MPDZ: variants seen among roughly 807,000 people sequenced by gnomAD.
MPDZ encodes multiple PDZ domain protein.
In MPDZ, 234 loss-of-function variants were observed where a neutral mutation model predicts 239.1. The observed-to-expected ratio is 0.98, with a 90% CI of 0.88 to 1.09. The LOEUF (loss-of-function observed/expected upper bound fraction) is 1.09. Ranked by LOEUF, MPDZ falls within the 50% of genes least tolerant of loss-of-function variation. The pLI, the probability that MPDZ is intolerant of heterozygous loss-of-function variation, is 0.00. For synonymous variants in MPDZ, 1,048 were observed against 881.3 expected (o/e 1.19, Z -3.35); for missense variants, 3,175 against 2,510.0 (o/e 1.26, Z -5.66).
At chr9:13,108,913 G>T (rs1456230231) in intron 46 of MPDZ, 23 bp downstream of exon 46, 1 of 1,606,150 alleles carries the variant, frequency 6.2e-7, no homozygotes, top group East Asian at 2.2e-5. Flanking sequence ...GGAAAAGAGG[G>T]TGGTTAAAAT....
intron 32 of MPDZ, among the ~76,000 whole-genome samples, chr9:13,130,539 T>C (rs1945828384): frequency 6.6e-6 from 1 of 152,184 alleles, no homozygotes; most frequent in African/African-American, 2.4e-5. Context: ...GTTTTAGATG[T>C]ACAGAAAAGA....
At chr9:13,204,665 T>G (rs1956791470) in intron 12 of MPDZ, among the ~76,000 whole-genome samples, 1 of 152,174 alleles carries the variant, frequency 6.6e-6, no homozygotes, top group Admixed American at 6.6e-5. Flanking sequence ...TATTTTTAAA[T>G]ACTTTATAAT....
chr9:13,207,340 T>C (rs530196884), intron 10 of MPDZ, among the ~76,000 whole-genome samples: 1 of 152,248 alleles, frequency 6.6e-6, no homozygotes, highest in South Asian at 2.1e-4. Context: ...TGGCTTAGAA[T>C]GGCCTGTGCC....
chr9:13,224,720 A>T, intron 3 of MPDZ, 137 bp from the exon 4 acceptor site: 1 of 639,608 alleles, frequency 1.6e-6, no homozygotes, highest in Non-Finnish European at 2.6e-6. Flanking sequence ...CTATTTTGGG[A>T]AATTTATTTC....
Position 13,190,293 on chromosome 9 carries a change from C to T in MPDZ, c.1975G>A (p.Val659Ile), listed in dbSNP as rs77838108. The part of the protein sequence containing the change: ...CDIELTEKPH[V>I]DLGEFIGSSE... The stretch of plus-strand genomic sequence containing the variant: ...GACCCGATGAACTCACCTAGATCTA[C>T]GTGAGGCTGGATAATATCAGACAGC... Residue 659 changes from valine (V) to isoleucine (I), a missense_variant, in exon 16 of 47, where the codon GTA (valine) becomes ATA (isoleucine). Coordinates refer to ENST00000319217, the MANE Select transcript of MPDZ (RefSeq NM_001378778.1). 5,270 of 1,571,428 alleles carry T rather than the reference C, an allele frequency of 3.4e-3. 18 individuals carry two copies. The highest frequency in any genetic ancestry group is 4.3e-3 in the Non-Finnish European group (4,950 of 1,159,546).
At chr9:13,115,904 C>T (rs1294931639) in intron 39 of MPDZ, among the ~76,000 whole-genome samples, 2 of 143,750 alleles carry the variant, frequency 1.4e-5, no homozygotes, top group Non-Finnish European at 3.0e-5. Flanking sequence ...AAGATCATGC[C>T]ACTGCACTCC....
chr9:13,173,920 T>C (rs2134100680), intron 21 of MPDZ, among the ~76,000 whole-genome samples: 1 of 152,282 alleles, frequency 6.6e-6, no homozygotes, highest in South Asian at 2.1e-4. Flanking sequence ...AGAAGTTCTG[T>C]GTCCTACACA....
At position 13,140,397 on chromosome 9, in the gene MPDZ, T is replaced by C. The variant is rs181553199; in HGVS notation, c.3841-248A>G. Reference sequence around the variant, plus strand: ...GTTAAATATTTTATATATATACATATATATATATATATGTATATATATGAG... The same window carrying C: ...GTTAAATATTTTATATATATACATACATATATATATATGTATATATATGAG... On this transcript the variant is annotated intron_variant, in intron 27 of 46. Transcript: ENST00000319217. 1.1e-3 allele frequency among the ~76,000 whole-genome samples: 161 copies of C among 143,620 alleles called. 1 individual carries two copies. The highest frequency in any genetic ancestry group is 4.2e-3 in the African/African-American group (158 of 37,924). The allele number at this position is 143,620 out of a possible 152,430, so 94.2% of individuals were successfully genotyped here.
intron 1 of MPDZ, among the ~76,000 whole-genome samples, chr9:13,266,066 T>A (rs774810908): frequency 6.6e-6 from 1 of 152,220 alleles, no homozygotes; most frequent in South Asian, 2.1e-4. Flanking sequence ...ACAAAAATTA[T>A]GAAGAGTGTT....
At chr9:13,271,115 C>G (rs183167014) in intron 1 of MPDZ, among the ~76,000 whole-genome samples, 1 of 152,280 alleles carries the variant, frequency 6.6e-6, no homozygotes, top group Admixed American at 6.5e-5. Context: ...CATCTCCTAT[C>G]TTTCAAAATT....
intron 21 of MPDZ, among the ~76,000 whole-genome samples, chr9:13,168,957 C>T (rs1250516135): frequency 7.2e-5 from 11 of 152,108 alleles, no homozygotes; most frequent in Non-Finnish European, 1.5e-4. Flanking sequence ...GAAAATTCAT[C>T]ATGTAAATTA....
rs1956952554 is a variant in MPDZ, at chr9:13,206,060, C to T, written c.1330G>A (p.Ala444Thr). 1.9e-6 allele frequency: 3 copies of T among 1,610,308 alleles called. No homozygotes were observed. The highest frequency in any genetic ancestry group is 2.5e-6 in the Non-Finnish European group (3 of 1,178,976). Residue 444 changes from alanine to threonine, a missense_variant, in exon 11 of 47, where the codon GCA becomes ACA. Coordinates refer to ENST00000319217, the MANE Select transcript of MPDZ (RefSeq NM_001378778.1). ...TNLQGFTNQQ[A>T]VEVLRHTGQT... Reference sequence around the variant, plus strand: ...CCTGTATGTCGCAATACCTCTACTGCTTGCTGATTAGTAAAACCCTGAAGG... The same window carrying T: ...CCTGTATGTCGCAATACCTCTACTGTTTGCTGATTAGTAAAACCCTGAAGG...
rs775863648 is a variant in MPDZ at position 13,247,751 on chromosome 9, C to G, written c.67G>C (p.Glu23Gln). 1 of 1,612,940 alleles carries G rather than the reference C, an allele frequency of 6.2e-7. No individual in the cohort carries two copies. The highest frequency in any genetic ancestry group is 8.5e-7 in the Non-Finnish European group (1 of 1,179,072). The stretch of plus-strand genomic sequence containing the variant: ...TCTTCATTTGCTACATCCCCACGTT[C>G]TCGCAGCTTGGTTTGCAAGCGCTCT... ...AAERLQTKLR[E>Q]RGDVANEDKL... Residue 23 changes from glutamate to glutamine, a missense_variant, in exon 3 of 47, where the codon GAA becomes CAA. Coordinates refer to ENST00000319217, the MANE Select transcript of MPDZ (RefSeq NM_001378778.1).
intron 21 of MPDZ, among the ~76,000 whole-genome samples, chr9:13,168,905 T>G (rs1042190151): frequency 1.4e-4 from 22 of 152,274 alleles, no homozygotes; most frequent in African/African-American, 5.3e-4. Context: ...ACAATATTAG[T>G]TCAGCTTTTA....
At position 13,115,347 on chromosome 9, in the gene MPDZ, A is replaced by T; in HGVS notation, c.5380-13T>A. ...TGCCTAGGGAACACTGGGGGTGGGCATGGGGGGTGTTTTATGGAAATGTTT... is the reference window on the plus strand; with the variant it reads ...TGCCTAGGGAACACTGGGGGTGGGCTTGGGGGGTGTTTTATGGAAATGTTT... On this transcript the variant is annotated splice_polypyrimidine_tract_variant and intron_variant, in intron 39 of 46. Transcript: ENST00000319217. The T allele has an allele frequency of 4.4e-5, 71 of 1,596,484 alleles. No homozygotes were observed. The highest frequency in any genetic ancestry group is 6.1e-5 in the Non-Finnish European group (71 of 1,165,258).
At position 13,176,398 on chromosome 9, in the gene MPDZ, C is replaced by T. The variant is rs765815015; in HGVS notation, c.2669G>A (p.Cys890Tyr). The T allele has an allele frequency of 4.5e-6, 7 of 1,570,390 alleles. No homozygotes were observed. In the East Asian group the frequency reaches 1.4e-4, roughly 31 times the overall value. The change falls in exon 20 of 47, where the codon TGT (cysteine) becomes TAT (tyrosine). Residue 890 changes from cysteine (C) to tyrosine (Y), a missense_variant. Coordinates refer to ENST00000319217, the MANE Select transcript of MPDZ (RefSeq NM_001378778.1). ...SPPKDVIENS[C>Y]DPVLDLHMSL... ...CATATGCAGATCAAGTACTGGATCA[C>T]AAGAATTTTCAATAACATCCTGGTA...
chr9:13,236,092 T>C (rs1963862434), intron 3 of MPDZ, among the ~76,000 whole-genome samples: 1 of 150,422 alleles, frequency 6.6e-6, no homozygotes, highest in Non-Finnish European at 1.5e-5. Flanking sequence ...CCTGCAAAGA[T>C]CTTATTCATT....
Position 13,115,307 on chromosome 9 carries a change from C to A in MPDZ, c.5407G>T (p.Val1803Phe), listed in dbSNP as rs771961124. ...AATGGACCAGCTTTGATTCTTCCAA[C>A]TTCCAAGGTTACTGTGCCTAGGGAA... ...KCSLGTVTLE[V>F]GRIKAGPFHS... The change falls in exon 40 of 47, where the codon GTT becomes TTT. Residue 1803 changes from valine (V) to phenylalanine (F), a missense_variant. Physicochemically the swap from Val to Phe is conservative, Grantham distance 50. Coordinates refer to ENST00000319217, the MANE Select transcript of MPDZ (RefSeq NM_001378778.1). The A allele has an allele frequency of 2.5e-6, 4 of 1,612,726 alleles. No homozygotes were observed. Among genetic ancestry groups the A allele is most frequent in the Non-Finnish European group, 3.4e-6 (4 of 1,179,818 alleles).
In MPDZ at chr9:13,223,714, T is replaced by C. The variant is rs756925354; in HGVS notation, c.394-4A>G. 2.5e-6 allele frequency: 4 copies of C among 1,589,814 alleles called. No homozygotes were observed. In the East Asian group the frequency reaches 9.1e-5, roughly 36 times the overall value. ...CAAAAACTTCTACATGGCGACCCTGTTTAGGAAACAAAGCAAGAAATAAAA... is the reference window on the plus strand; with the variant it reads ...CAAAAACTTCTACATGGCGACCCTGCTTAGGAAACAAAGCAAGAAATAAAA... On this transcript the variant is annotated splice_polypyrimidine_tract_variant and splice_region_variant and intron_variant, in intron 4 of 46. Coordinates refer to ENST00000319217, the MANE Select transcript of MPDZ (RefSeq NM_001378778.1).
Sources: gnomAD v4.1 joint callset for allele counts (sites outside exome capture counted in the v4.1 genomes callset) on GRCh38, gnomAD v4.1.1 for gene constraint, MANE v1.5 for transcripts, NCBI Gene and HGNC (gene_info 2026-07-23, HGNC 2026-07-21) for gene names.